Variants in LOC400499 observed in about 807,000 individuals in gnomAD.
chr16:11,390,540 C>T, the LOC400499 span: 8 of 1,148,424 alleles, frequency 7.0e-6, no homozygotes. Context: ...CACGCCAGGC[C>T]TCGAGGAGAT....
At chr16:11,377,821 G>C in the LOC400499 span, among the ~76,000 whole-genome samples, 3 of 152,192 alleles carry the variant, frequency 2.0e-5, no homozygotes, top group South Asian at 2.1e-4. Flanking sequence ...AGTGAGTTTG[G>C]AGGTATTCTT....
the LOC400499 span, chr16:11,393,408 G>A: frequency 9.7e-6 from 12 of 1,232,308 alleles, no homozygotes; most frequent in South Asian, 4.1e-5. Context: ...ATGGGCCACA[G>A]AGGCCTGCAG....
the LOC400499 span, among the ~76,000 whole-genome samples, chr16:11,516,697 G>T: frequency 6.6e-6 from 1 of 152,130 alleles, no homozygotes; most frequent in Admixed American, 6.6e-5. Flanking sequence ...GACCAGTCTC[G>T]CTCTGTTGCC....
At chr16:11,456,535 G>C in the LOC400499 span, among the ~76,000 whole-genome samples, 3 of 152,192 alleles carry the variant, frequency 2.0e-5, no homozygotes, top group Admixed American at 6.5e-5. Flanking sequence ...ACTGGCAAAG[G>C]TAAGAAGTTA....
chr16:11,518,708 C>G, the LOC400499 span, among the ~76,000 whole-genome samples: 1 of 152,088 alleles, frequency 6.6e-6, no homozygotes, highest in African/African-American at 2.4e-5. Flanking sequence ...TTGACAAGGT[C>G]AAAACAAATA....
At chr16:11,383,503 C>G in the LOC400499 span, 6 of 982,232 alleles carry the variant, frequency 6.1e-6, no homozygotes, top group Non-Finnish European at 7.9e-6. Flanking sequence ...AACAGGCAGT[C>G]TTAATAAATG....
At chr16:11,515,900 AG>A in the LOC400499 span, 3 of 120,996 alleles carry the variant, frequency 2.5e-5, no homozygotes, top group Non-Finnish European at 2.8e-5. Flanking sequence ...AGCCTAGCCC[AG>A]CCCAGCCCAG....
chr16:11,428,932 T>TGGGAGG, the LOC400499 span, among the ~76,000 whole-genome samples: 1 of 144,802 alleles, frequency 6.9e-6, no homozygotes, highest in African/African-American at 2.6e-5. Context: ...GCATGGGAAA[T>TGGGAGG]GGGAGGGGGA....
At chr16:11,372,928 C>T in the LOC400499 span, among the ~76,000 whole-genome samples, 2 of 152,260 alleles carry the variant, frequency 1.3e-5, no homozygotes, top group Non-Finnish European at 2.9e-5. Context: ...GAGTCCCCTA[C>T]AGCTGCAGGG....
chr16:11,486,486 A>G, the LOC400499 span, among the ~76,000 whole-genome samples: 1 of 131,000 alleles, frequency 7.6e-6, no homozygotes, highest in African/African-American at 3.0e-5. Flanking sequence ...GGGTAGATGA[A>G]TGAATGATGG....
the LOC400499 span, among the ~76,000 whole-genome samples, chr16:11,465,767 G>A: frequency 6.7e-6 from 1 of 149,776 alleles, no homozygotes; most frequent in South Asian, 2.1e-4. Context: ...AGAGAAGGCG[G>A]GGGGTGGGCA....
chr16:11,440,912 G>A, the LOC400499 span: 1 of 398,994 alleles, frequency 2.5e-6, no homozygotes, highest in African/African-American at 2.1e-5. Flanking sequence ...GCACAAACCA[G>A]TGTCTGCCCA....
chr16:11,381,084 C>T, the LOC400499 span: 1 of 152,162 alleles, frequency 6.6e-6, no homozygotes, highest in African/African-American at 2.4e-5. Flanking sequence ...GCTGAAATCA[C>T]AGCCTGGCCA....
the LOC400499 span, among the ~76,000 whole-genome samples, chr16:11,429,671 A>C: frequency 6.6e-6 from 1 of 151,956 alleles, no homozygotes; most frequent in Admixed American, 6.6e-5. Flanking sequence ...ACGGGGTTTC[A>C]CCATGTTGGC....
the LOC400499 span, among the ~76,000 whole-genome samples, chr16:11,516,998 G>A: frequency 6.6e-6 from 1 of 152,236 alleles, no homozygotes; most frequent in South Asian, 2.1e-4. Context: ...AGCAAATACG[G>A]GGAGAGGCTT....
At chr16:11,431,401 G>A in the LOC400499 span, among the ~76,000 whole-genome samples, 2 of 152,052 alleles carry the variant, frequency 1.3e-5, no homozygotes, top group African/African-American at 4.8e-5. Context: ...TACTGATATT[G>A]AGCTTTTTTT....
chr16:11,374,725 A>G, the LOC400499 span, among the ~76,000 whole-genome samples: 1 of 152,180 alleles, frequency 6.6e-6, no homozygotes, highest in Non-Finnish European at 1.5e-5. Context: ...CTGTCAGTGG[A>G]CACTTGGGTT....
chr16:11,390,054 C>G, the LOC400499 span: 3 of 1,159,890 alleles, frequency 2.6e-6, no homozygotes, highest in African/African-American at 1.6e-5. Flanking sequence ...CAGCACTGCA[C>G]CTGGTATGTG....
the LOC400499 span, among the ~76,000 whole-genome samples, chr16:11,463,752 T>C: frequency 6.0e-3 from 912 of 152,244 alleles, 7 homozygotes; most frequent in African/African-American, 0.021. Context: ...TATATATGGA[T>C]GTGTGTATAT....
Sources: gnomAD v4.1 joint callset for allele counts (sites outside exome capture counted in the v4.1 genomes callset) on GRCh38, gnomAD v4.1.1 for gene constraint, MANE v1.5 for transcripts.